Variants in SLC12A7 observed in about 807,000 individuals in gnomAD.
SLC12A7 encodes solute carrier family 12 member 7, also known as K-Cl cotransporter 4.
SLC12A7 carries 100 observed loss-of-function variants against 120.6 expected under a neutral mutation model. The observed-to-expected ratio is 0.83, with a 90% CI of 0.71 to 0.98. The LOEUF is 0.98. Ranked by LOEUF, SLC12A7 falls within the 50% of genes least tolerant of loss-of-function variation. The pLI, the probability that SLC12A7 is intolerant of heterozygous loss-of-function variation, is 0.00. For missense variants in SLC12A7, 1,373 were observed against 1,548.1 expected, an observed-to-expected ratio of 0.89 and a Z score of 1.90; for synonymous variants, 760 against 678.0, an observed-to-expected ratio of 1.12 and a Z score of -1.88.
At chr5:1,107,895 G>C (rs982239287) in intron 1 of SLC12A7, among the ~76,000 whole-genome samples, 14 of 152,178 alleles carry the variant, frequency 9.2e-5, no homozygotes, top group African/African-American at 3.4e-4. Flanking sequence ...CCAGGAGAGG[G>C]AGCCCCTCAC....
chr5:1,057,357 G>T, intron 22 of SLC12A7, 114 bp downstream of exon 22: 2 of 1,129,544 alleles, frequency 1.8e-6, no homozygotes, highest in African/African-American at 1.6e-5. Flanking sequence ...CGGGCCCACT[G>T]GCCTGCAGGG....
At chr5:1,093,411 C>T (rs969046233) in intron 3 of SLC12A7, 122 bp downstream of exon 3, 29 of 989,790 alleles carry the variant, frequency 2.9e-5, no homozygotes, top group Non-Finnish European at 4.2e-5. Flanking sequence ...AAGGGCTGGA[C>T]GTGGCCATGA....
intron 20 of SLC12A7, among the ~76,000 whole-genome samples, chr5:1,060,926 G>A (rs1387391087): frequency 2.2e-4 from 33 of 151,712 alleles, no homozygotes; most frequent in Middle Eastern, 3.4e-3. Context: ...TGCACCCACC[G>A]TGCGGGACCC....
At chr5:1,111,627 C>A (rs2150915316) in intron 1 of SLC12A7, among the ~76,000 whole-genome samples, 1 of 152,314 alleles carries the variant, frequency 6.6e-6, no homozygotes, top group African/African-American at 2.4e-5. Context: ...GTCCACACCT[C>A]TGCCCCCGGT....
chr5:1,076,258 G>A, intron 13 of SLC12A7, 22 bp from the exon 14 acceptor site: 1 of 1,582,474 alleles, frequency 6.3e-7, no homozygotes, highest in Middle Eastern at 1.7e-4. Flanking sequence ...GCCGGCCACT[G>A]ATACGGGCCC....
chr5:1,118,010 A>C, the SLC12A7 span, among the ~76,000 whole-genome samples: 3 of 152,188 alleles, frequency 2.0e-5, no homozygotes, highest in African/African-American at 7.2e-5. Flanking sequence ...CGGGAGGCGG[A>C]GCTTGCAGTG....
At chr5:1,058,937 A>G (rs1735904810) in intron 21 of SLC12A7, among the ~76,000 whole-genome samples, 1 of 152,144 alleles carries the variant, frequency 6.6e-6, no homozygotes, top group Admixed American at 6.5e-5. Context: ...CTGGCCCAGG[A>G]GGGGCCCTTC....
chr5:1,057,176 C>T (rs112056281), intron 22 of SLC12A7: 25 of 373,554 alleles, frequency 6.7e-5, no homozygotes, highest in African/African-American at 3.5e-4. Flanking sequence ...GACCCCTCAG[C>T]GCTTGGCACT....
the SLC12A7 span, among the ~76,000 whole-genome samples, chr5:1,128,485 T>C: frequency 2.0e-5 from 3 of 151,706 alleles, no homozygotes; most frequent in African/African-American, 7.3e-5. Context: ...CCAACAGGGG[T>C]TTCCTTCCTC....
At chr5:1,100,212 C>T (rs369494034) in intron 1 of SLC12A7, among the ~76,000 whole-genome samples, 3 of 152,196 alleles carry the variant, frequency 2.0e-5, no homozygotes, top group Non-Finnish European at 2.9e-5. Flanking sequence ...CCCTCACCCT[C>T]GGGCGGCACC....
intron 5 of SLC12A7, among the ~76,000 whole-genome samples, chr5:1,088,002 C>T (rs370086955): frequency 6.6e-5 from 10 of 152,358 alleles, no homozygotes; most frequent in East Asian, 5.8e-4. Flanking sequence ...CTATGGCACA[C>T]GCTGGGCTAC....
chr5:1,076,756 G>A lies in SLC12A7; in HGVS notation c.1686C>T (p.Val562=), dbSNP rs771305000. 3 of 1,611,642 alleles carry A rather than the reference G, an allele frequency of 1.9e-6. No individual in the cohort carries two copies. Among genetic ancestry groups the A allele is most frequent in the Non-Finnish European group, 2.5e-6 (3 of 1,179,946 alleles). Residue 562 remains valine, a synonymous_variant, in exon 13 of 24, where the codon GTC becomes GTT. Transcript: ENST00000264930. ...GEPTWALLLT[V]LICETGILIA... is the part of the protein sequence containing the mutation. ...TGAGGATGCCAGTCTCGCAGATGAG[G>A]ACTGTCAGCAGCAGCGCCCACGTGG...
the SLC12A7 span, among the ~76,000 whole-genome samples, chr5:1,127,230 G>A: frequency 3.1e-3 from 473 of 152,310 alleles, 2 homozygotes; most frequent in African/African-American, 0.011. Context: ...GACCAGGATA[G>A]TCTCGATCTC....
At chr5:1,150,802 C>A in the SLC12A7 span, among the ~76,000 whole-genome samples, 1,497 of 152,350 alleles carry the variant, frequency 9.8e-3, 25 homozygotes, top group African/African-American at 0.035. Flanking sequence ...AGAGCCTGCC[C>A]CGTGGGGCTG....
intron 1 of SLC12A7, among the ~76,000 whole-genome samples, chr5:1,098,078 C>G (rs1214844878): frequency 2.0e-5 from 3 of 151,532 alleles, no homozygotes; most frequent in Admixed American, 6.6e-5. Flanking sequence ...TTCTGCACAC[C>G]CAGCCGCCCC....
intron 3 of SLC12A7, among the ~76,000 whole-genome samples, chr5:1,090,869 C>T (rs779455628): frequency 6.6e-6 from 1 of 152,226 alleles, no homozygotes; most frequent in Non-Finnish European, 1.5e-5. Context: ...ATTTCAGGCG[C>T]GGGAGGCTGG....
rs149551146 is a variant in SLC12A7, at chr5:1,083,771, G to A, written c.1103C>T (p.Pro368Leu). 678 of 1,612,592 alleles carry A rather than the reference G, an allele frequency of 4.2e-4. No homozygotes were observed. The highest frequency in any genetic ancestry group is 5.1e-4 in the Non-Finnish European group (598 of 1,179,838). Residue 368 changes from proline (P) to leucine (L), a missense_variant, in exon 8 of 24, where the codon CCG becomes CTG. By Grantham distance (98) the Pro-to-Leu change is moderately conservative. Transcript: ENST00000264930. ...CAGGAAGACACCACTGGCCGCGCCC[G>A]GGATGCCCTGGATTTCGGTGACGTT... ...QNNVTEIQGI[P>L]GAASGVFLEN...
intron 21 of SLC12A7, among the ~76,000 whole-genome samples, chr5:1,057,874 G>T (rs1184004289): frequency 6.6e-6 from 1 of 152,012 alleles, no homozygotes; most frequent in Admixed American, 6.5e-5. Context: ...TCACCTTCCC[G>T]CCCTGGCCCT....
intron 20 of SLC12A7, among the ~76,000 whole-genome samples, chr5:1,060,984 C>CCGGAACATCCA: frequency 1.3e-5 from 2 of 151,936 alleles, no homozygotes; most frequent in African/African-American, 4.8e-5. Context: ...TGCGTCTCAC[C>CCGGAACATCCA]CACTGCACCT....
Sources: allele counts gnomAD v4.1 joint callset (sites outside exome capture counted in the v4.1 genomes callset), GRCh38; gene constraint gnomAD v4.1.1; transcripts MANE v1.5; gene names NCBI Gene and HGNC (gene_info 2026-07-23, HGNC 2026-07-21).